Variants in GRIN2A observed in about 807,000 individuals in gnomAD.
GRIN2A encodes glutamate receptor ionotropic, NMDA 2A.
A neutral mutation model predicts 113.4 loss-of-function variants in GRIN2A; 22 were observed. The ratio of observed to expected loss-of-function variants is 0.19; its 90% CI spans 0.14 to 0.28. The LOEUF is 0.28. Among genes scored for constraint, GRIN2A ranks in the 10% least tolerant of loss-of-function variants. The pLI is 1.00. For synonymous variants in GRIN2A, 827 were observed against 738.4 expected (o/e 1.12, Z -1.94); for missense variants, 1,502 against 1,887.0 (o/e 0.80, Z 3.78).
At chr16:9,812,199 T>C (rs925271288) in intron 10 of GRIN2A, among the ~76,000 whole-genome samples, 1 of 152,194 alleles carries the variant, frequency 6.6e-6, no homozygotes, top group African/African-American at 2.4e-5. Context: ...TCTCAATGCC[T>C]GTTTCCTCAA....
intron 12 of GRIN2A, among the ~76,000 whole-genome samples, chr16:9,767,128 G>A (rs1207759418): frequency 6.6e-6 from 1 of 152,158 alleles, no homozygotes; most frequent in Non-Finnish European, 1.5e-5. Context: ...GCTTAAAGTT[G>A]GCATAATACC....
At chr16:9,889,233 T>A (rs1349932228) in intron 4 of GRIN2A, among the ~76,000 whole-genome samples, 1 of 152,198 alleles carries the variant, frequency 6.6e-6, no homozygotes, top group Non-Finnish European at 1.5e-5. Context: ...TCTATATCGT[T>A]GAATTTGTTG....
At chr16:10,091,767 C>T (rs2048188978) in intron 2 of GRIN2A, among the ~76,000 whole-genome samples, 1 of 152,188 alleles carries the variant, frequency 6.6e-6, no homozygotes, top group African/African-American at 2.4e-5. Flanking sequence ...AAGCCAGACT[C>T]AAGAGACTAT....
chr16:10,133,893 G>C (rs1219332183), intron 2 of GRIN2A, among the ~76,000 whole-genome samples: 3 of 152,112 alleles, frequency 2.0e-5, no homozygotes, highest in African/African-American at 7.2e-5. Context: ...TTGGAATTCA[G>C]TTAGGCAGTC....
At chr16:9,916,316 T>C (rs955469358) in intron 3 of GRIN2A, among the ~76,000 whole-genome samples, 6 of 152,202 alleles carry the variant, frequency 3.9e-5, no homozygotes, top group Admixed American at 1.3e-4. Flanking sequence ...CTTCATGACA[T>C]GAGTCCTTGG....
At chr16:9,806,609 G>T (rs1203348768) in intron 10 of GRIN2A, among the ~76,000 whole-genome samples, 1 of 152,036 alleles carries the variant, frequency 6.6e-6, no homozygotes, top group Non-Finnish European at 1.5e-5. Context: ...CAGATGGAAG[G>T]AGGTACCAAG....
At chr16:10,117,424 T>C (rs2048747570) in intron 2 of GRIN2A, among the ~76,000 whole-genome samples, 1 of 152,248 alleles carries the variant, frequency 6.6e-6, no homozygotes, top group Non-Finnish European at 1.5e-5. Context: ...AGTTGATAAA[T>C]GCTGAAGCTG....
intron 11 of GRIN2A, among the ~76,000 whole-genome samples, chr16:9,793,840 T>C (rs1374930478): frequency 6.6e-6 from 1 of 152,192 alleles, no homozygotes; most frequent in Non-Finnish European, 1.5e-5. Flanking sequence ...TGTGTATATA[T>C]ACACGTGTGA....
chr16:10,138,701 C>T (rs2049256215), intron 2 of GRIN2A, among the ~76,000 whole-genome samples: 1 of 152,122 alleles, frequency 6.6e-6, no homozygotes, highest in Non-Finnish European at 1.5e-5. Context: ...ATCTGTCAAG[C>T]AGGGGTAAGA....
intron 4 of GRIN2A, among the ~76,000 whole-genome samples, chr16:9,854,053 G>A (rs530811582): frequency 6.6e-6 from 1 of 152,062 alleles, no homozygotes; most frequent in Non-Finnish European, 1.5e-5. Context: ...CGTAATGATT[G>A]GTTTCTATGT....
At chr16:9,772,699 A>G (rs977917048) in intron 11 of GRIN2A, among the ~76,000 whole-genome samples, 8 of 152,104 alleles carry the variant, frequency 5.3e-5, no homozygotes, top group South Asian at 2.1e-4. Flanking sequence ...GGAGGACACA[A>G]AAATGGGTCT....
chr16:9,823,297 G>A (rs766594312), intron 9 of GRIN2A, among the ~76,000 whole-genome samples: 6 of 152,130 alleles, frequency 3.9e-5, no homozygotes, highest in Admixed American at 6.6e-5. Flanking sequence ...GCAGGAGCTC[G>A]AACTGGCTGG....
chr16:10,169,590 G>T (rs939111315), intron 2 of GRIN2A, among the ~76,000 whole-genome samples: 2 of 152,164 alleles, frequency 1.3e-5, no homozygotes, highest in Non-Finnish European at 2.9e-5. Flanking sequence ...AACAGAAGCA[G>T]CCATATTGTG....
At chr16:9,829,096 GA>G (rs1414209662) in intron 9 of GRIN2A, among the ~76,000 whole-genome samples, 1 of 152,042 alleles carries the variant, frequency 6.6e-6, no homozygotes, top group Non-Finnish European at 1.5e-5. Flanking sequence ...TCACACATTC[GA>G]AAGGATGAAT....
At chr16:9,899,277 A>G (rs2043868553) in intron 3 of GRIN2A, among the ~76,000 whole-genome samples, 1 of 151,836 alleles carries the variant, frequency 6.6e-6, no homozygotes. Flanking sequence ...CATCTCTACT[A>G]AAAATACCAA....
At chr16:10,103,065 G>A (rs1425971375) in intron 2 of GRIN2A, among the ~76,000 whole-genome samples, 1 of 152,190 alleles carries the variant, frequency 6.6e-6, no homozygotes, top group Non-Finnish European at 1.5e-5. Flanking sequence ...AGACTAGCTG[G>A]AAAGATACTA....
At chr16:9,884,321 G>A (rs548831079) in intron 4 of GRIN2A, among the ~76,000 whole-genome samples, 47 of 152,276 alleles carry the variant, frequency 3.1e-4, no homozygotes, top group African/African-American at 1.1e-3. Flanking sequence ...AGCTGAAGCC[G>A]GTGGATCACC....
Position 9,802,553 on chromosome 16 carries a change from C to T in GRIN2A, c.2169-4089G>A, listed in dbSNP as rs143842645. The stretch of plus-strand genomic sequence containing the variant: ...AAAATAATACTTAGCATTTCACAGA[C>T]ATCATCCCACTGAGGCCTCACAACT... On this transcript the variant is annotated intron_variant, in intron 10 of 12. Transcript: ENST00000330684. Among the ~76,000 whole-genome samples the T allele has an allele frequency of 8.3e-3, 1,271 of 152,240 alleles. 13 individuals carry two copies. The highest frequency in any genetic ancestry group is 0.021 in the Middle Eastern group (6 of 288).
chr16:10,075,152 A>T (rs1039734656), intron 2 of GRIN2A, among the ~76,000 whole-genome samples: 4 of 152,072 alleles, frequency 2.6e-5, no homozygotes, highest in South Asian at 2.1e-4. Context: ...CCTCATCTGC[A>T]TGTCGGGGAA....
Sources: allele counts gnomAD v4.1 joint callset (sites outside exome capture counted in the v4.1 genomes callset), GRCh38; gene constraint gnomAD v4.1.1; transcripts MANE v1.5; gene names NCBI Gene and HGNC (gene_info 2026-07-23, HGNC 2026-07-21).